Variants in FSHR observed in about 807,000 individuals in gnomAD.
FSHR encodes follicle stimulating hormone receptor, also known as follicle-stimulating hormone receptor.
A neutral mutation model predicts 52.1 loss-of-function variants in FSHR; 46 were observed. The ratio of observed to expected loss-of-function variants is 0.88; its 90% CI spans 0.70 to 1.13. FSHR has a LOEUF of 1.13. Ranked by LOEUF, FSHR falls within the 50% of genes most tolerant of loss-of-function variation. FSHR has a pLI of 0.00. For missense variants in FSHR, 964 were observed against 834.6 expected, an observed-to-expected ratio of 1.16 and a Z score of -1.91; for synonymous variants, 399 against 309.6, an observed-to-expected ratio of 1.29 and a Z score of -3.03.
chr2:48,989,493 G>A (rs1675672380), intron 5 of FSHR, among the ~76,000 whole-genome samples: 1 of 152,096 alleles, frequency 6.6e-6, no homozygotes, highest in African/African-American at 2.4e-5. Context: ...ATGTTGCCCA[G>A]GCTGGTGTCA....
At chr2:49,010,945 G>A (rs896864391) in intron 4 of FSHR, among the ~76,000 whole-genome samples, 1 of 151,710 alleles carries the variant, frequency 6.6e-6, no homozygotes, top group Non-Finnish European at 1.5e-5. Flanking sequence ...CTTGCTAGTG[G>A]TCTATCAATT....
At chr2:48,983,661 C>A (rs1378851653) in intron 6 of FSHR, among the ~76,000 whole-genome samples, 1 of 152,222 alleles carries the variant, frequency 6.6e-6, no homozygotes, top group African/African-American at 2.4e-5. Context: ...CAAAAGTGAT[C>A]TAATTAAGTT....
rs112393860 is a variant in FSHR, at chr2:49,128,736, A to G, written c.152+25530T>C. 7.3e-3 allele frequency among the ~76,000 whole-genome samples: 1,108 copies of G among 152,148 alleles called. 14 individuals are homozygous for G. The highest frequency in any genetic ancestry group is 0.027 in the Middle Eastern group (8 of 294). ...ATGTGGGAGAAGAGAGGACAGAAAC[A>G]GCTAGCTGCTTTAAATGAGTCTCTG... On this transcript the variant is annotated intron_variant, in intron 1 of 9. Coordinates refer to ENST00000406846, the MANE Select transcript of FSHR (RefSeq NM_000145.4).
At chr2:49,068,649 C>A (rs888932174) in intron 1 of FSHR, among the ~76,000 whole-genome samples, 6 of 152,068 alleles carry the variant, frequency 3.9e-5, no homozygotes, top group African/African-American at 1.4e-4. Flanking sequence ...CCCCCATTAC[C>A]TCTTCCTTTA....
chr2:49,096,198 G>C lies in FSHR; in HGVS notation c.153-27908C>G, dbSNP rs1183461761. ...GCATCATTCACAATAGTCAAAATTT[G>C]AAAACACCCAAATATTCATCAATGA... On this transcript the variant is annotated intron_variant, in intron 1 of 9. Coordinates refer to ENST00000406846, the MANE Select transcript of FSHR (RefSeq NM_000145.4). Among the ~76,000 whole-genome samples the C allele has an allele frequency of 2.6e-4, 39 of 152,082 alleles. 1 individual carries two copies. Among genetic ancestry groups the C allele is most frequent in the Admixed American group, 2.6e-3 (39 of 15,250 alleles).
Position 49,154,298 on chromosome 2 carries a change from A to C in FSHR, c.120T>G (p.Ile40Met). 1 of 1,613,906 alleles carries C rather than the reference A, an allele frequency of 6.2e-7. No individual in the cohort carries two copies. Among genetic ancestry groups the C allele is most frequent in the Non-Finnish European group, 8.5e-7 (1 of 1,179,890 alleles). ...TGGCATTCCTCGGGAGGTCAGAAGG[A>C]ATCTCTGTCACCTTGCTCTCTTGGC... Reference protein sequence around the residue: ...FLCQESKVTEIPSDLPRNAIE... With the variant: ...FLCQESKVTEMPSDLPRNAIE... The change falls in exon 1 of 10, where the codon ATT becomes ATG. Residue 40 changes from isoleucine to methionine, a missense_variant. Ile to Met is a conservative substitution (Grantham distance 10). Transcript: ENST00000406846.
In FSHR at chr2:49,127,748, TTCTTTCTTCTTCTTCTTC is replaced by T. The variant is rs1672061847; in HGVS notation, c.152+26500_152+26517del. Among the ~76,000 whole-genome samples the T allele has an allele frequency of 8.1e-4, 94 of 116,062 alleles. 13 individuals carry two copies. Among genetic ancestry groups the T allele is most frequent in the African/African-American group, 3.0e-3 (92 of 31,060 alleles). 76.1% of individuals were successfully genotyped at this position (116,062 alleles called of 152,430 possible). ...TTGATTTGTGCATGATTTCTTCTTC[TTCTTTCTTCTTCTTCTTC>T]TTCTTCTTCTTCTTCTTCTTCTTCT... On this transcript the variant is annotated intron_variant, in intron 1 of 9. Transcript: ENST00000406846.
intron 4 of FSHR, among the ~76,000 whole-genome samples, chr2:48,994,010 C>T (rs1044577388): frequency 6.6e-6 from 1 of 152,186 alleles, no homozygotes; most frequent in Non-Finnish European, 1.5e-5. Flanking sequence ...TATCCAATGT[C>T]TGCCTCTTCA....
At chr2:49,065,752 G>C (rs896585386) in intron 2 of FSHR, among the ~76,000 whole-genome samples, 7 of 151,950 alleles carry the variant, frequency 4.6e-5, no homozygotes, top group African/African-American at 7.3e-5. Context: ...GGTGGAGCTA[G>C]AAGAAAAGAA....
intron 8 of FSHR, among the ~76,000 whole-genome samples, chr2:48,972,007 C>T (rs61358380): frequency 0.017 from 2,579 of 152,236 alleles, 73 homozygotes; most frequent in African/African-American, 0.057. Flanking sequence ...ATGCTGATGG[C>T]GCTAAAATTT....
intron 2 of FSHR, among the ~76,000 whole-genome samples, chr2:49,042,495 C>T (rs190085193): frequency 7.2e-5 from 11 of 152,298 alleles, no homozygotes; most frequent in Admixed American, 3.9e-4. Flanking sequence ...AGTCAAAATT[C>T]ACTTCCCTTA....
chr2:49,074,636 G>A (rs1376604943), intron 1 of FSHR, among the ~76,000 whole-genome samples: 1 of 151,972 alleles, frequency 6.6e-6, no homozygotes, highest in African/African-American at 2.4e-5. Context: ...TTCATCAAAA[G>A]GAGCTATCAT....
At chr2:49,118,634 A>C (rs1057189934) in intron 1 of FSHR, among the ~76,000 whole-genome samples, 1 of 152,210 alleles carries the variant, frequency 6.6e-6, no homozygotes, top group Admixed American at 6.5e-5. Flanking sequence ...GATGTGGGTC[A>C]CATTGGCCAA....
In FSHR at chr2:49,078,429, C is replaced by T. The variant is rs76645814; in HGVS notation, c.153-10139G>A. Among the ~76,000 whole-genome samples the T allele has an allele frequency of 4.6e-3, 695 of 152,230 alleles. 6 individuals carry two copies. The highest frequency in any genetic ancestry group is 0.013 in the South Asian group (63 of 4,816). ...AGTAAAAGAAGTAATGCTCTCCAACCCTTTTTATGTGGTTAGTGTAACATT... is the reference window on the plus strand; with the variant it reads ...AGTAAAAGAAGTAATGCTCTCCAACTCTTTTTATGTGGTTAGTGTAACATT... On this transcript the variant is annotated intron_variant, in intron 1 of 9. Coordinates refer to ENST00000406846, the MANE Select transcript of FSHR (RefSeq NM_000145.4).
intron 1 of FSHR, among the ~76,000 whole-genome samples, chr2:49,085,196 C>T (rs1432184600): frequency 2.0e-5 from 3 of 152,132 alleles, no homozygotes; most frequent in African/African-American, 7.2e-5. Context: ...TCAATATATG[C>T]AAATCAATAA....
At chr2:49,153,593 T>G (rs1673137435) in intron 1 of FSHR, among the ~76,000 whole-genome samples, 1 of 152,220 alleles carries the variant, frequency 6.6e-6, no homozygotes, top group South Asian at 2.1e-4. Context: ...GTCTAAATTC[T>G]TGGCCAACTC....
chr2:48,988,735 GATC>G (rs1366081797), intron 6 of FSHR, among the ~76,000 whole-genome samples: 3 of 152,152 alleles, frequency 2.0e-5, no homozygotes, highest in East Asian at 3.9e-4. Flanking sequence ...TATCACAGGA[GATC>G]ATCATTCAAA....
intron 1 of FSHR, among the ~76,000 whole-genome samples, chr2:49,096,701 T>G (rs1217075737): frequency 6.6e-6 from 1 of 152,196 alleles, no homozygotes; most frequent in Non-Finnish European, 1.5e-5. Context: ...TATGTATTTT[T>G]CCTTACCAAA....
intron 1 of FSHR, among the ~76,000 whole-genome samples, chr2:49,101,100 G>A (rs1403686135): frequency 6.6e-6 from 1 of 152,184 alleles, no homozygotes; most frequent in African/African-American, 2.4e-5. Flanking sequence ...TCTGTGCATT[G>A]TTGGGGAAGA....
Sources: allele counts gnomAD v4.1 joint callset (sites outside exome capture counted in the v4.1 genomes callset), GRCh38; gene constraint gnomAD v4.1.1; transcripts MANE v1.5; gene names NCBI Gene and HGNC (gene_info 2026-07-23, HGNC 2026-07-21).